Variants in CEACAM6 observed in about 807,000 individuals in gnomAD.
CEACAM6 encodes the protein CEA cell adhesion molecule 6.
CEACAM6 carries 21 observed loss-of-function variants against 32.4 expected under a neutral mutation model. That is an observed-to-expected ratio of 0.65 (90% CI 0.46 to 0.93). The LOEUF (loss-of-function observed/expected upper bound fraction) is 0.93, where lower values mean the gene tolerates loss of function less well. Ranked by LOEUF, CEACAM6 falls within the 40% of genes least tolerant of loss-of-function variation. The pLI, the probability that CEACAM6 is intolerant of heterozygous loss-of-function variation, is 0.00. For missense variants in CEACAM6, 406 were observed against 432.2 expected (o/e 0.94, Z 0.54); for synonymous variants, 184 against 174.4 (o/e 1.06, Z -0.43).
chr19:41,762,314 G>A (rs2072931333), intron 4 of CEACAM6, 91 bp downstream of exon 4: 2 of 1,472,000 alleles, frequency 1.4e-6, no homozygotes, highest in Admixed American at 4.0e-5. Flanking sequence ...TTCCCAACCT[G>A]TGTCCAAGGG....
Position 41,756,885 on chromosome 19 carries a change from C to T in CEACAM6, c.350C>T (p.Thr117Ile), listed in dbSNP as rs782619716. The T allele has an allele frequency of 6.2e-7, 1 of 1,614,146 alleles. No individual in the cohort carries two copies. Among genetic ancestry groups the T allele is most frequent in the African/African-American group, 1.3e-5 (1 of 75,014 alleles). The change falls in exon 2 of 6, where the codon ACA (threonine) becomes ATA (isoleucine). Residue 117 changes from threonine to isoleucine, a missense_variant. Coordinates refer to ENST00000199764, the MANE Select transcript of CEACAM6 (RefSeq NM_002483.7). ...LLIQNVTQND[T>I]GFYTLQVIKS... ...ATCCAGAACGTCACCCAGAATGACA[C>T]AGGATTCTATACCCTACAAGTCATA...
intron 2 of CEACAM6, among the ~76,000 whole-genome samples, chr19:41,757,338 T>C (rs112205282): frequency 6.6e-6 from 1 of 152,056 alleles, no homozygotes; most frequent in Non-Finnish European, 1.5e-5. Flanking sequence ...AACTCTTCCC[T>C]GAACTGAGCC....
At chr19:41,761,716 T>G (rs1326969855) in intron 3 of CEACAM6, among the ~76,000 whole-genome samples, 189 bp downstream of exon 3, 4 of 152,182 alleles carry the variant, frequency 2.6e-5, no homozygotes, top group African/African-American at 9.7e-5. Flanking sequence ...GGCTGTCTCC[T>G]GTGCTACTTC....
intron 4 of CEACAM6, among the ~76,000 whole-genome samples, chr19:41,762,463 G>A (rs1389755368): frequency 6.6e-6 from 1 of 152,056 alleles, no homozygotes; most frequent in Non-Finnish European, 1.5e-5. Context: ...TGGAATGAGA[G>A]GAGGGGGCTC....
intron 2 of CEACAM6, among the ~76,000 whole-genome samples, chr19:41,760,262 A>G (rs2072914475): frequency 6.6e-6 from 1 of 152,222 alleles, no homozygotes; most frequent in Non-Finnish European, 1.5e-5. Context: ...ACCCTACAGT[A>G]TCTGTCCTGT....
rs782484195 is a variant in CEACAM6, at chr19:41,761,273, C to T, written c.449C>T (p.Ser150Phe). 3 of 1,614,208 alleles carry T rather than the reference C, an allele frequency of 1.9e-6. No homozygotes were observed. The South Asian group carries it at 3.3e-5, about 18-fold the overall frequency. Residue 150 changes from serine (S) to phenylalanine (F), a missense_variant, in exon 3 of 6, where the codon TCC (serine) becomes TTC (phenylalanine). Physicochemically the swap from Ser to Phe is radical, Grantham distance 155. Transcript: ENST00000199764. Reference sequence around the variant, plus strand: ...GCGGAGCTGCCCAAGCCCTCCATCTCCAGCAACAACTCCAACCCCGTGGAG... The same window carrying T: ...GCGGAGCTGCCCAAGCCCTCCATCTTCAGCAACAACTCCAACCCCGTGGAG... ...VYPELPKPSI[S>F]SNNSNPVEDK...
Position 41,756,608 on chromosome 19 carries a change from C to A in CEACAM6, c.73C>A (p.Leu25Ile). 6.2e-7 allele frequency: 1 copy of A among 1,613,762 alleles called. No individual in the cohort carries two copies. The highest frequency in any genetic ancestry group is 8.5e-7 in the Non-Finnish European group (1 of 1,179,778). ...WKEVLLTASL[L>I]TFWNPPTTAK... Reference sequence around the variant, plus strand: ...TCTCTCCTCTCTCCTAGCCTCACTTCTAACCTTCTGGAACCCACCCACCAC... The same window carrying A: ...TCTCTCCTCTCTCCTAGCCTCACTTATAACCTTCTGGAACCCACCCACCAC... Residue 25 changes from leucine to isoleucine, a missense_variant, in exon 2 of 6, where the codon CTA becomes ATA. Physicochemically the swap from Leu to Ile is conservative, Grantham distance 5 (BLOSUM62 2). Coordinates refer to ENST00000199764, the MANE Select transcript of CEACAM6 (RefSeq NM_002483.7).
intron 4 of CEACAM6, among the ~76,000 whole-genome samples, chr19:41,762,895 T>A (rs1175608399): frequency 6.6e-6 from 1 of 152,092 alleles, no homozygotes; most frequent in African/African-American, 2.4e-5. Context: ...ACATGGAGCC[T>A]CATGACAGAC....
At chr19:41,768,366 T>C (rs968656383) in intron 5 of CEACAM6, among the ~76,000 whole-genome samples, 15 of 152,212 alleles carry the variant, frequency 9.9e-5, no homozygotes, top group Non-Finnish European at 1.9e-4. Context: ...CCTTAATCCA[T>C]TTAACCCTGA....
chr19:41,756,054 A>G (rs539346660), intron 1 of CEACAM6, among the ~76,000 whole-genome samples: 12 of 152,350 alleles, frequency 7.9e-5, no homozygotes, highest in African/African-American at 2.9e-4. Flanking sequence ...AAGTTGAAAA[A>G]TAACCACCAG....
chr19:41,758,982 G>A (rs1375357130), intron 2 of CEACAM6, among the ~76,000 whole-genome samples: 2 of 152,304 alleles, frequency 1.3e-5, no homozygotes, highest in Non-Finnish European at 1.5e-5. Flanking sequence ...AACAGGCCAC[G>A]GGACAGGGAC....
At position 41,765,526 on chromosome 19, in the gene CEACAM6, T is replaced by C. The variant is rs554819825; in HGVS notation, c.959-657T>C. 2.8e-4 allele frequency among the ~76,000 whole-genome samples: 43 copies of C among 152,182 alleles called. No homozygotes were observed. The South Asian group carries it at 6.7e-3, about 24-fold the overall frequency. ...GATAATTCACTGGGTAAAACAGCCATGAGGGAAGGTGGAGCAGCAGTGACA... is the reference window on the plus strand; with the variant it reads ...GATAATTCACTGGGTAAAACAGCCACGAGGGAAGGTGGAGCAGCAGTGACA... On this transcript the variant is annotated intron_variant, in intron 4 of 5. Coordinates refer to ENST00000199764, the MANE Select transcript of CEACAM6 (RefSeq NM_002483.7).
rs1249216059 is a variant in CEACAM6, at chr19:41,756,177, AAC to A, written c.65-413_65-412del. The stretch of plus-strand genomic sequence containing the variant: ...GAGCTTATGCTGTCATGAAGAGGAA[AAC>A]ACACACACAAAGAGATATAGAATGT... On this transcript the variant is annotated intron_variant, in intron 1 of 5. Coordinates refer to ENST00000199764, the MANE Select transcript of CEACAM6 (RefSeq NM_002483.7). Among the ~76,000 whole-genome samples the A allele has an allele frequency of 4.6e-5, 7 of 152,298 alleles. No individual in the cohort carries two copies. The East Asian group carries it at 1.2e-3, about 25-fold the overall frequency.
intron 4 of CEACAM6, among the ~76,000 whole-genome samples, chr19:41,763,587 TG>T (rs1213504520): frequency 6.6e-6 from 1 of 152,230 alleles, no homozygotes; most frequent in Non-Finnish European, 1.5e-5. Context: ...TGAGAAAGTC[TG>T]TACTTCTCCC....
At position 41,771,733 on chromosome 19, in the gene CEACAM6, C is replaced by T. The variant is rs1439362882; in HGVS notation, c.*972C>T. The stretch of plus-strand genomic sequence containing the variant: ...TCTCTCTTTGGCTGGAATTACAAAA[C>T]TCAGAGAAATGTGTCATCAGGAGAA... On this transcript the variant is annotated 3_prime_UTR_variant, in exon 6 of 6. Coordinates refer to ENST00000199764, the MANE Select transcript of CEACAM6 (RefSeq NM_002483.7). The T allele has an allele frequency of 6.6e-6, 1 of 152,150 alleles. No homozygotes were observed. The highest frequency in any genetic ancestry group is 6.5e-5 in the Admixed American group (1 of 15,274). 9.4% of individuals were successfully genotyped at this position (152,150 alleles called of 1,614,324 possible).
intron 5 of CEACAM6, among the ~76,000 whole-genome samples, chr19:41,767,358 C>T (rs118164107): frequency 6.6e-6 from 1 of 152,270 alleles, no homozygotes; most frequent in East Asian, 1.9e-4. Context: ...GGCTGAGAAC[C>T]TTTTCCTGAC....
intron 5 of CEACAM6, among the ~76,000 whole-genome samples, chr19:41,768,701 C>T (rs1262980836): frequency 1.3e-5 from 2 of 149,024 alleles, no homozygotes; most frequent in Non-Finnish European, 1.5e-5. Context: ...CCTCACCTCC[C>T]AGACGGGGCG....
chr19:41,761,490 T>C lies in CEACAM6; in HGVS notation c.666T>C (p.Ser222=). ...SYECEIQNPA[S]ANRSDPVTLN... ...AATGTGAAATACAGAACCCAGCGAG[T>C]GCCAACCGCAGTGACCCAGTCACCC... The change falls in exon 3 of 6, where the codon AGT becomes AGC. Residue 222 remains serine (S), a synonymous_variant. Coordinates refer to ENST00000199764, the MANE Select transcript of CEACAM6 (RefSeq NM_002483.7). The C allele has an allele frequency of 6.2e-7, 1 of 1,614,030 alleles. No homozygotes were observed. Among genetic ancestry groups the C allele is most frequent in the Non-Finnish European group, 8.5e-7 (1 of 1,180,004 alleles).
chr19:41,759,661 T>G (rs1164587382), intron 2 of CEACAM6, among the ~76,000 whole-genome samples: 1 of 152,252 alleles, frequency 6.6e-6, no homozygotes, highest in Non-Finnish European at 1.5e-5. Flanking sequence ...AACCTTAGTA[T>G]GTTATCAAGA....
Sources: gnomAD v4.1 joint callset for allele counts (sites outside exome capture counted in the v4.1 genomes callset) on GRCh38, gnomAD v4.1.1 for gene constraint, MANE v1.5 for transcripts, NCBI Gene and HGNC (gene_info 2026-07-23, HGNC 2026-07-21) for gene names.